TMEM161B: variants seen among roughly 807,000 people sequenced by gnomAD.
The protein encoded by TMEM161B is transmembrane protein 161B.
A neutral mutation model predicts 61.8 loss-of-function variants in TMEM161B; 34 were observed. That is an observed-to-expected ratio of 0.55 (90% CI 0.42 to 0.73). The LOEUF is 0.73. Among genes scored for constraint, TMEM161B ranks in the 30% least tolerant of loss-of-function variants. TMEM161B has a pLI of 0.00. For missense variants in TMEM161B, 456 were observed against 558.5 expected (o/e 0.82, Z 1.85); for synonymous variants, 167 against 192.8 (o/e 0.87, Z 1.11).
intron 1 of TMEM161B, among the ~76,000 whole-genome samples, chr5:88,257,709 G>A (rs1365428667): frequency 6.6e-6 from 1 of 152,156 alleles, no homozygotes; most frequent in East Asian, 1.9e-4. Context: ...ATCAAAGCCT[G>A]TGTAATTATT....
chr5:88,222,857 A>G (rs1220938772), intron 4 of TMEM161B, among the ~76,000 whole-genome samples: 2 of 152,194 alleles, frequency 1.3e-5, no homozygotes, highest in Non-Finnish European at 2.9e-5. Flanking sequence ...AATTATATAT[A>G]TGCCTTTTAA....
Position 88,203,085 on chromosome 5 carries a change from C to A in TMEM161B, c.801-10G>T. 6.7e-7 allele frequency: 1 copy of A among 1,492,412 alleles called. No homozygotes were observed. The highest frequency in any genetic ancestry group is 9.3e-7 in the Non-Finnish European group (1 of 1,072,644). The allele number at this position is 1,492,412 out of a possible 1,614,324, so 92.4% of individuals were successfully genotyped here. A position where few individuals can be genotyped will look rare whatever the true frequency, so the allele number is the denominator to read the frequency against. On this transcript the variant is annotated splice_polypyrimidine_tract_variant and intron_variant, in intron 8 of 11. Coordinates refer to ENST00000296595, the MANE Select transcript of TMEM161B (RefSeq NM_153354.5). ...GATATGAAGTAAAGTTCTGAAAGTA[C>A]GTAAGAAATAAATATAAAAATTCAG... is the stretch of plus-strand genomic sequence containing the variant.
downstream of TMEM161B, among the ~76,000 whole-genome samples, chr5:88,185,960 C>T (rs1748339062): frequency 6.6e-6 from 1 of 152,176 alleles, no homozygotes; most frequent in African/African-American, 2.4e-5. Flanking sequence ...AGGGACAAGA[C>T]CAGGAAAATG....
intron 5 of TMEM161B, among the ~76,000 whole-genome samples, chr5:88,209,372 C>T (rs2112442855): frequency 6.6e-6 from 1 of 152,098 alleles, no homozygotes; most frequent in East Asian, 1.9e-4. Flanking sequence ...AGACAATTTC[C>T]AACTTCTTTT....
chr5:88,252,652 G>A (rs1188138194), intron 1 of TMEM161B, among the ~76,000 whole-genome samples: 1 of 152,138 alleles, frequency 6.6e-6, no homozygotes, highest in South Asian at 2.1e-4. Flanking sequence ...TAGAACCACT[G>A]ACGGGAAAAG....
intron 1 of TMEM161B, among the ~76,000 whole-genome samples, chr5:88,243,459 T>C (rs1433626537): frequency 6.6e-6 from 1 of 151,884 alleles, no homozygotes; most frequent in Non-Finnish European, 1.5e-5. Context: ...ATGGTATATA[T>C]GTATTTAATA....
intron 1 of TMEM161B, among the ~76,000 whole-genome samples, chr5:88,242,682 G>A (rs1752941821): frequency 6.6e-6 from 1 of 151,650 alleles, no homozygotes; most frequent in South Asian, 2.1e-4. Context: ...ACTTCATCAA[G>A]CTGTGATTAG....
intron 3 of TMEM161B, 119 bp from the exon 4 acceptor site, chr5:88,225,985 A>G (rs1749993252): frequency 4.9e-6 from 3 of 607,482 alleles, no homozygotes; most frequent in African/African-American, 3.7e-5. Context: ...AGAATTTCTA[A>G]TATTTCATCA....
chr5:88,240,401 G>GT (rs1307229322), intron 2 of TMEM161B, among the ~76,000 whole-genome samples: 2 of 151,778 alleles, frequency 1.3e-5, no homozygotes, highest in East Asian at 3.9e-4. Context: ...TTTTTTAAAG[G>GT]TAATTAGAAA....
chr5:88,205,858 T>C lies in TMEM161B; in HGVS notation c.756A>G (p.Gln252=). The C allele has an allele frequency of 6.2e-7, 1 of 1,613,002 alleles. No individual in the cohort carries two copies. The highest frequency in any genetic ancestry group is 1.1e-5 in the South Asian group (1 of 90,856). The change falls in exon 8 of 12, where the codon CAA becomes CAG. Residue 252 remains glutamine, a synonymous_variant. Transcript: ENST00000296595. ...CCAAATTCAGGGCATCCAGATGCAT[T>C]TGAGCCAGTCGTAATCCAGGAAATG... is the stretch of plus-strand genomic sequence containing the variant. The part of the protein sequence containing the change: ...FLTFPGLRLA[Q]MHLDALNLAT...
rs1561312611 is a variant in TMEM161B at position 88,203,789 on chromosome 5, ATATATATATATATATATATATATAT to A, written c.801-739_801-715del. ...TATATATATATATATATATATATAT[ATATATATATATATATATATATATAT>A]AATTTGCATTACTCCTGACAAGGCA... On this transcript the variant is annotated intron_variant, in intron 8 of 11. Coordinates refer to ENST00000296595, the MANE Select transcript of TMEM161B (RefSeq NM_153354.5). Among the ~76,000 whole-genome samples, 289 of 77,924 alleles carry A rather than the reference ATATATATATATATATATATATATAT, an allele frequency of 3.7e-3. 15 individuals are homozygous for A. Among genetic ancestry groups the A allele is most frequent in the African/African-American group, 0.016 (267 of 16,354 alleles). 51.1% of individuals were successfully genotyped at this position (77,924 alleles called of 152,430 possible).
chr5:88,211,267 A>G (rs1746683814), intron 5 of TMEM161B, among the ~76,000 whole-genome samples: 1 of 152,148 alleles, frequency 6.6e-6, no homozygotes, highest in African/African-American at 2.4e-5. Context: ...AAACAGATAC[A>G]TACATATTTT....
chr5:88,195,558 A>G lies in TMEM161B; in HGVS notation c.*653T>C, dbSNP rs1339720977. On this transcript the variant is annotated 3_prime_UTR_variant, in exon 12 of 12. Transcript: ENST00000296595. ...AATGTTCATATGGCCAATCATTTTA[A>G]AAGAACTCTCAAGTTGGGTGGAATA... 11 of 985,550 alleles carry G rather than the reference A, an allele frequency of 1.1e-5. No individual in the cohort carries two copies. In the East Asian group the frequency reaches 1.1e-3, roughly 102 times the overall value. The allele number at this position is 985,550 out of a possible 1,614,324, so 61.1% of individuals were successfully genotyped here. A position where few individuals can be genotyped will look rare whatever the true frequency, so the allele number is the denominator to read the frequency against.
intron 2 of TMEM161B, among the ~76,000 whole-genome samples, chr5:88,230,160 T>G (rs1214339617): frequency 6.6e-6 from 1 of 152,008 alleles, no homozygotes; most frequent in East Asian, 1.9e-4. Context: ...CATTCCACTC[T>G]GGGCAACAAA....
chr5:88,192,349 C>T (rs1196714180), downstream of TMEM161B, among the ~76,000 whole-genome samples: 4 of 151,996 alleles, frequency 2.6e-5, no homozygotes, highest in African/African-American at 9.7e-5. Flanking sequence ...CCCATGGTAA[C>T]AGAAGACATA....
intron 5 of TMEM161B, among the ~76,000 whole-genome samples, chr5:88,209,138 C>T (rs553527712): frequency 7.2e-5 from 11 of 152,132 alleles, no homozygotes; most frequent in Non-Finnish European, 1.6e-4. Flanking sequence ...TAATGCTCAA[C>T]CTGTATCAAA....
downstream of TMEM161B, among the ~76,000 whole-genome samples, chr5:88,187,310 G>GTACTT (rs1748407481): frequency 6.6e-6 from 1 of 151,988 alleles, no homozygotes; most frequent in African/African-American, 2.4e-5. Flanking sequence ...GACAATCTAA[G>GTACTT]TACTTTACAT....
chr5:88,187,510 T>A (rs1240857034), downstream of TMEM161B, among the ~76,000 whole-genome samples: 8 of 152,216 alleles, frequency 5.3e-5, no homozygotes, highest in Non-Finnish European at 8.8e-5. Context: ...TAACATTTTG[T>A]AGAGTTCAGT....
At chr5:88,227,368 T>C (rs1750230889) in intron 3 of TMEM161B, among the ~76,000 whole-genome samples, 1 of 152,168 alleles carries the variant, frequency 6.6e-6, no homozygotes, top group Non-Finnish European at 1.5e-5. Flanking sequence ...AGCTTCTCAT[T>C]AGTAAAGTGT....
Sources: allele counts gnomAD v4.1 joint callset (sites outside exome capture counted in the v4.1 genomes callset), GRCh38; gene constraint gnomAD v4.1.1; transcripts MANE v1.5; gene names NCBI Gene and HGNC (gene_info 2026-07-23, HGNC 2026-07-21).